GPHN: variants seen among roughly 807,000 people sequenced by gnomAD.
GPHN encodes the protein gephyrin.
Under a neutral mutation model 95.5 loss-of-function variants are expected in GPHN, and 17 were observed. The ratio of observed to expected loss-of-function variants is 0.18; its 90% CI spans 0.12 to 0.27. The LOEUF (loss-of-function observed/expected upper bound fraction) is 0.27, where lower values mean the gene tolerates loss of function less well. Among genes scored for constraint, GPHN ranks in the 10% least tolerant of loss-of-function variants. The pLI is 1.00. For synonymous variants in GPHN, 320 were observed against 322.5 expected, an observed-to-expected ratio of 0.99 and a Z score of 0.08; for missense variants, 660 against 978.1, an observed-to-expected ratio of 0.67 and a Z score of 4.34.
the GPHN span, among the ~76,000 whole-genome samples, chr14:67,207,861 G>A: frequency 6.6e-6 from 1 of 152,172 alleles, no homozygotes. Context: ...ACTCAGACTG[G>A]GGAATCAGTG....
intron 1 of GPHN, among the ~76,000 whole-genome samples, chr14:66,538,433 A>G (rs2059221322): frequency 6.7e-6 from 1 of 150,204 alleles, no homozygotes; most frequent in Non-Finnish European, 1.5e-5. Flanking sequence ...TGACTGTCCC[A>G]CATGTCTCAT....
rs114746420 is a variant in GPHN at position 67,151,363 on chromosome 14, A to T, written c.1836+7914A>T. Among the ~76,000 whole-genome samples, 453 of 152,350 alleles carry T rather than the reference A, an allele frequency of 3.0e-3. 2 individuals carry two copies. Among genetic ancestry groups the T allele is most frequent in the African/African-American group, 0.01 (435 of 41,570 alleles). On this transcript the variant is annotated intron_variant, in intron 18 of 22. Coordinates refer to ENST00000478722, the MANE Select transcript of GPHN (RefSeq NM_020806.5). Reference sequence around the variant, plus strand: ...TGGACAATAAGAGAAATAAACAAGAAAGACTAATAAGCCAGATTCTCTGTC... The same window carrying T: ...TGGACAATAAGAGAAATAAACAAGATAGACTAATAAGCCAGATTCTCTGTC...
At chr14:67,734,703 GC>G in the GPHN span, among the ~76,000 whole-genome samples, 4 of 152,178 alleles carry the variant, frequency 2.6e-5, no homozygotes, top group African/African-American at 9.7e-5. Flanking sequence ...TGAGAATCTG[GC>G]ACCCAAAAGG....
the GPHN span, among the ~76,000 whole-genome samples, chr14:67,599,805 AG>A: frequency 6.6e-6 from 1 of 152,194 alleles, no homozygotes; most frequent in Non-Finnish European, 1.5e-5. Flanking sequence ...CAGCCACGGA[AG>A]GGGAATGTAC....
At chr14:67,415,641 G>A in the GPHN span, among the ~76,000 whole-genome samples, 39 of 152,252 alleles carry the variant, frequency 2.6e-4, 1 homozygote, top group East Asian at 1.7e-3. Context: ...GTATTTTCAG[G>A]AATATACATC....
intron 3 of GPHN, among the ~76,000 whole-genome samples, chr14:66,803,346 A>G (rs1195465943): frequency 1.3e-5 from 2 of 152,324 alleles, no homozygotes; most frequent in South Asian, 2.1e-4. Context: ...TATGTCTTCA[A>G]TGCCTCTTTT....
intron 1 of GPHN, among the ~76,000 whole-genome samples, chr14:66,659,166 G>A (rs941062915): frequency 2.0e-5 from 3 of 151,600 alleles, no homozygotes; most frequent in Non-Finnish European, 2.9e-5. Context: ...CAGAGTGTGT[G>A]TGTGTGTTTG....
At chr14:67,335,355 C>G in the GPHN span, 6 of 152,234 alleles carry the variant, frequency 3.9e-5, no homozygotes, top group Non-Finnish European at 7.3e-5. Context: ...CATTTCCTGT[C>G]CCTCTGTGGT....
chr14:67,678,736 A>G, the GPHN span, among the ~76,000 whole-genome samples: 6 of 152,236 alleles, frequency 3.9e-5, no homozygotes, highest in African/African-American at 1.2e-4. Context: ...ATGTATATCC[A>G]TCTTCTTCAA....
the GPHN span, among the ~76,000 whole-genome samples, chr14:67,724,140 C>T: frequency 2.0e-5 from 3 of 152,176 alleles, no homozygotes; most frequent in African/African-American, 7.2e-5. Flanking sequence ...GGAAAGCTTT[C>T]CTCTGGAACC....
At chr14:67,430,813 G>A in the GPHN span, among the ~76,000 whole-genome samples, 8 of 152,128 alleles carry the variant, frequency 5.3e-5, no homozygotes, top group African/African-American at 1.7e-4. Flanking sequence ...AAAGCTTAAC[G>A]TCCCATTCTG....
chr14:66,915,914 A>G, intron 5 of GPHN, 89 bp from the exon 6 acceptor site: 1 of 799,098 alleles, frequency 1.3e-6, no homozygotes, highest in Non-Finnish European at 2.3e-6. Context: ...GTTCACATGT[A>G]AAGTAAAATG....
At chr14:67,125,193 A>G (rs1299275149) in intron 17 of GPHN, among the ~76,000 whole-genome samples, 2 of 152,118 alleles carry the variant, frequency 1.3e-5, no homozygotes, top group African/African-American at 4.8e-5. Flanking sequence ...AGGGGTCCAG[A>G]GTGAATGGTG....
In GPHN at chr14:66,575,199, A is replaced by G. The variant is rs564902576; in HGVS notation, c.64+66608A>G. On this transcript the variant is annotated intron_variant, in intron 1 of 22. Coordinates refer to ENST00000478722, the MANE Select transcript of GPHN (RefSeq NM_020806.5). ...TCCTGAAGGACAGCTTGCTGAGTATAGTGTTCTTGGTTGACAGATTTTTTT... is the reference window on the plus strand; with the variant it reads ...TCCTGAAGGACAGCTTGCTGAGTATGGTGTTCTTGGTTGACAGATTTTTTT... 2.0e-5 allele frequency among the ~76,000 whole-genome samples: 3 copies of G among 152,044 alleles called. No individual in the cohort carries two copies. In the East Asian group the frequency reaches 5.8e-4, roughly 29 times the overall value.
chr14:67,175,030 T>C (rs1215758089), intron 21 of GPHN, among the ~76,000 whole-genome samples: 2 of 152,176 alleles, frequency 1.3e-5, no homozygotes, highest in Admixed American at 6.5e-5. Context: ...TGTAGGTTGC[T>C]TGTTCACTCT....
chr14:67,249,447 C>T, the GPHN span, among the ~76,000 whole-genome samples: 35 of 152,260 alleles, frequency 2.3e-4, no homozygotes, highest in African/African-American at 7.5e-4. Flanking sequence ...ATGGAAAGCA[C>T]CTAGCAAAAT....
At chr14:66,724,424 C>T (rs2071042481) in intron 2 of GPHN, among the ~76,000 whole-genome samples, 1 of 152,094 alleles carries the variant, frequency 6.6e-6, no homozygotes, top group Admixed American at 6.6e-5. Flanking sequence ...AATACAATAC[C>T]CAATCTATTT....
At chr14:66,828,694 A>G (rs1195834045) in intron 4 of GPHN, among the ~76,000 whole-genome samples, 1 of 152,102 alleles carries the variant, frequency 6.6e-6, no homozygotes, top group Non-Finnish European at 1.5e-5. Flanking sequence ...GATGAATAGG[A>G]TGAATGAAAA....
intron 9 of GPHN, among the ~76,000 whole-genome samples, chr14:67,006,118 C>A (rs1257395502): frequency 2.0e-5 from 3 of 152,076 alleles, no homozygotes; most frequent in Non-Finnish European, 2.9e-5. Context: ...TTCTAACTTT[C>A]CCATTTTACA....
Sources: gnomAD v4.1 joint callset for allele counts (sites outside exome capture counted in the v4.1 genomes callset) on GRCh38, gnomAD v4.1.1 for gene constraint, MANE v1.5 for transcripts, NCBI Gene and HGNC (gene_info 2026-07-23, HGNC 2026-07-21) for gene names.